TLN2: variants seen among roughly 807,000 people sequenced by gnomAD.
TLN2 encodes talin-2.
TLN2 carries 118 observed loss-of-function variants against 294.7 expected under a neutral mutation model. The observed-to-expected ratio is 0.40, with a 90% confidence interval of 0.34 to 0.47. The LOEUF (loss-of-function observed/expected upper bound fraction) is 0.47, where lower values mean the gene tolerates loss of function less well. Among genes scored for constraint, TLN2 ranks in the 20% least tolerant of loss-of-function variants. The pLI is 0.84. For missense variants in TLN2, 3,083 were observed against 3,282.2 expected, an observed-to-expected ratio of 0.94 and a Z score of 1.48; for synonymous variants, 1,431 against 1,304.5, an observed-to-expected ratio of 1.10 and a Z score of -2.09.
intron 1 of TLN2, among the ~76,000 whole-genome samples, chr15:62,448,279 C>G (rs1010732841): frequency 6.6e-6 from 1 of 152,194 alleles, no homozygotes; most frequent in Non-Finnish European, 1.5e-5. Flanking sequence ...GGCCTAATTC[C>G]GTATAGCTGC....
rs1024673737 is a variant in TLN2 at position 62,842,729 on chromosome 15, G to A, written c.*2119G>A. On this transcript the variant is annotated 3_prime_UTR_variant, in exon 59 of 59. Transcript: ENST00000636159. ...CCTCCAGAGACAAACCAAATGCAAAGGCCTTTCCTTTATAACTCTAAAGAA... is the reference window on the plus strand; with the variant it reads ...CCTCCAGAGACAAACCAAATGCAAAAGCCTTTCCTTTATAACTCTAAAGAA... The A allele has an allele frequency of 6.6e-6, 1 of 152,130 alleles. No individual in the cohort carries two copies. Among genetic ancestry groups the A allele is most frequent in the Non-Finnish European group, 1.5e-5 (1 of 68,024 alleles). The allele number at this position is 152,130 out of a possible 1,614,324, so 9.4% of individuals were successfully genotyped here.
rs766393811 is a variant in TLN2, at chr15:62,840,626, T to C, written c.*16T>C. 3 of 1,611,872 alleles carry C rather than the reference T, an allele frequency of 1.9e-6. No homozygotes were observed. The South Asian group carries it at 3.3e-5, about 18-fold the overall frequency. On this transcript the variant is annotated 3_prime_UTR_variant, in exon 59 of 59. Coordinates refer to ENST00000636159, the MANE Select transcript of TLN2 (RefSeq NM_015059.3). Reference sequence around the variant, plus strand: ...TGAGGGCTAAAGGTGCGAGCCCAGATGGCGAGCCCCAGGGGATGGCCCTGG... The same window carrying C: ...TGAGGGCTAAAGGTGCGAGCCCAGACGGCGAGCCCCAGGGGATGGCCCTGG...
At chr15:62,729,685 T>C (rs948341524) in intron 28 of TLN2, among the ~76,000 whole-genome samples, 4 of 152,148 alleles carry the variant, frequency 2.6e-5, no homozygotes, top group Admixed American at 6.5e-5. Flanking sequence ...GCAGAGAGTA[T>C]TTGGTGGTGT....
In TLN2 at chr15:62,842,247, A is replaced by G. The variant is rs1390748293; in HGVS notation, c.*1637A>G. On this transcript the variant is annotated 3_prime_UTR_variant, in exon 59 of 59. Coordinates refer to ENST00000636159, the MANE Select transcript of TLN2 (RefSeq NM_015059.3). ...GTAAAGTTAGAGAAAAGACGCTGTA[A>G]AGGAAAAGCAAGTGAGAGTATGTGT... 6.6e-6 allele frequency: 1 copy of G among 152,178 alleles called. No homozygotes were observed. The highest frequency in any genetic ancestry group is 1.9e-4 in the East Asian group (1 of 5,198). 9.4% of individuals were successfully genotyped at this position (152,178 alleles called of 1,614,324 possible).
intron 3 of TLN2, among the ~76,000 whole-genome samples, chr15:62,634,217 T>A (rs2050176091): frequency 6.6e-6 from 1 of 152,202 alleles, no homozygotes; most frequent in Non-Finnish European, 1.5e-5. Context: ...TTTTGTAGGT[T>A]GGTGCTGACA....
intron 28 of TLN2, among the ~76,000 whole-genome samples, chr15:62,730,914 C>T (rs2060691173): frequency 6.6e-6 from 1 of 152,090 alleles, no homozygotes; most frequent in Non-Finnish European, 1.5e-5. Context: ...TGCTTCTGTC[C>T]CATTTCCTTT....
At position 62,841,894 on chromosome 15, in the gene TLN2, G is replaced by A. The variant is rs1019867428; in HGVS notation, c.*1284G>A. ...GCAGGAGTGTTTGAAAGAATTCATA[G>A]TGGGGAAGGTAAAAGTTAATGGAAG... is the stretch of plus-strand genomic sequence containing the variant. On this transcript the variant is annotated 3_prime_UTR_variant, in exon 59 of 59. Transcript: ENST00000636159. The A allele has an allele frequency of 2.0e-5, 3 of 152,186 alleles. No individual in the cohort carries two copies. The highest frequency in any genetic ancestry group is 1.5e-5 in the Non-Finnish European group (1 of 68,044). The allele number at this position is 152,186 out of a possible 1,614,324, so 9.4% of individuals were successfully genotyped here.
chr15:62,431,122 C>T (rs142579936), intron 1 of TLN2, among the ~76,000 whole-genome samples: 1,827 of 152,238 alleles, frequency 0.012, 13 homozygotes, highest in Non-Finnish European at 0.02. Context: ...CGACTTTTAA[C>T]AGGTAAACAT....
At chr15:62,406,604 T>G (rs289142) in intron 1 of TLN2, among the ~76,000 whole-genome samples, 134,462 of 152,196 alleles carry the variant, frequency 0.88, 60,986 homozygotes, top group East Asian at 1. Context: ...TAGGGAAGGG[T>G]TAGTAACTTT....
Position 62,570,477 on chromosome 15 carries a change from T to C in TLN2, c.-237-19210T>C, listed in dbSNP as rs2043775258. On this transcript the variant is annotated intron_variant, in intron 1 of 58. Coordinates refer to ENST00000636159, the MANE Select transcript of TLN2 (RefSeq NM_015059.3). ...AGAAATACTGGTAAGAATAGATAAA[T>C]AAAGGATGTTTGGAAGGCAGTGCTC... is the stretch of plus-strand genomic sequence containing the variant. Among the ~76,000 whole-genome samples, 2 of 152,192 alleles carry C rather than the reference T, an allele frequency of 1.3e-5. 1 individual carries two copies. The highest frequency in any genetic ancestry group is 4.1e-4 in the South Asian group (2 of 4,830).
intron 21 of TLN2, among the ~76,000 whole-genome samples, chr15:62,709,730 T>C (rs1489595571): frequency 6.6e-6 from 1 of 151,898 alleles, no homozygotes; most frequent in Non-Finnish European, 1.5e-5. Flanking sequence ...TTTTTTTCTT[T>C]TTTCTTTTTT....
chr15:62,649,967 CT>C, intron 4 of TLN2, 116 bp from the exon 5 acceptor site: 1 of 950,122 alleles, frequency 1.1e-6, no homozygotes, highest in South Asian at 1.5e-5. Flanking sequence ...CGAAACATTG[CT>C]GTCTGGTGAA....
chr15:62,740,626 C>G lies in TLN2; in HGVS notation c.3886-4C>G, dbSNP rs2061274679. On this transcript the variant is annotated splice_region_variant and splice_polypyrimidine_tract_variant and intron_variant, in intron 31 of 58. Coordinates refer to ENST00000636159, the MANE Select transcript of TLN2 (RefSeq NM_015059.3). ...AATAGCTCCGGCTCCTTTTGACCTTCCAGACAAAAGAAGACCAGATCCAAG... is the reference window on the plus strand; with the variant it reads ...AATAGCTCCGGCTCCTTTTGACCTTGCAGACAAAAGAAGACCAGATCCAAG... 6 of 1,614,000 alleles carry G rather than the reference C, an allele frequency of 3.7e-6. No homozygotes were observed. Among genetic ancestry groups the G allele is most frequent in the Non-Finnish European group, 4.2e-6 (5 of 1,180,024 alleles).
chr15:62,487,185 C>G (rs2038444507), intron 1 of TLN2, among the ~76,000 whole-genome samples: 1 of 152,152 alleles, frequency 6.6e-6, no homozygotes, highest in African/African-American at 2.4e-5. Flanking sequence ...CATTTTCTTC[C>G]TTGTGAATCT....
At chr15:62,496,948 C>T (rs899771867) in intron 1 of TLN2, among the ~76,000 whole-genome samples, 19 of 152,188 alleles carry the variant, frequency 1.2e-4, no homozygotes, top group African/African-American at 4.3e-4. Flanking sequence ...GCACAGGCCT[C>T]TGCTCCTGGT....
chr15:62,584,583 C>T (rs112488625), intron 1 of TLN2, among the ~76,000 whole-genome samples: 6 of 152,216 alleles, frequency 3.9e-5, no homozygotes, highest in African/African-American at 1.2e-4. Flanking sequence ...GAGAACTGGG[C>T]ATCTCCCCTT....
chr15:62,421,796 C>T (rs996733674), intron 1 of TLN2, among the ~76,000 whole-genome samples: 8 of 151,878 alleles, frequency 5.3e-5, no homozygotes, highest in Non-Finnish European at 1.0e-4. Flanking sequence ...CAAATTTGCA[C>T]ATGTAACCCT....
intron 1 of TLN2, among the ~76,000 whole-genome samples, chr15:62,477,940 T>G (rs2140376188): frequency 6.6e-6 from 1 of 151,584 alleles, no homozygotes; most frequent in Non-Finnish European, 1.5e-5. Context: ...AGCGGGGCGT[T>G]GCAGGCTCAA....
intron 7 of TLN2, among the ~76,000 whole-genome samples, chr15:62,654,835 T>C (rs914870406): frequency 2.0e-5 from 3 of 149,096 alleles, no homozygotes; most frequent in Non-Finnish European, 4.4e-5. Context: ...ACAGTTAATA[T>C]ATGGAAAAGC....
Sources: gnomAD v4.1 joint callset for allele counts (sites outside exome capture counted in the v4.1 genomes callset) on GRCh38, gnomAD v4.1.1 for gene constraint, MANE v1.5 for transcripts, NCBI Gene and HGNC (gene_info 2026-07-23, HGNC 2026-07-21) for gene names.